Variants in CLMN observed in about 807,000 individuals in gnomAD.
CLMN encodes the protein calmin (calponin-like, transmembrane).
Under a neutral mutation model 92.7 loss-of-function variants are expected in CLMN, and 57 were observed. The ratio of observed to expected loss-of-function variants is 0.61; its 90% confidence interval spans 0.50 to 0.77. The LOEUF is 0.77. Among genes scored for constraint, CLMN ranks in the 30% least tolerant of loss-of-function variants. The pLI, the probability that CLMN is intolerant of heterozygous loss-of-function variation, is 0.00. For missense variants in CLMN, 1,158 were observed against 1,237.5 expected, an observed-to-expected ratio of 0.94 and a Z score of 0.96; for synonymous variants, 466 against 470.6, an observed-to-expected ratio of 0.99 and a Z score of 0.13.
In CLMN at chr14:95,221,533, A is replaced by C. The variant is rs558520646; in HGVS notation, c.324+158T>G. Reference sequence around the variant, plus strand: ...GGACTATGTTCCCAACGGAGGGGTCATCTGAGTGATTTCTGTGAAATTTAA... The same window carrying C: ...GGACTATGTTCCCAACGGAGGGGTCCTCTGAGTGATTTCTGTGAAATTTAA... On this transcript the variant is annotated intron_variant, in intron 4 of 12. Coordinates refer to ENST00000298912, the MANE Select transcript of CLMN (RefSeq NM_024734.4). Among the ~76,000 whole-genome samples the C allele has an allele frequency of 9.2e-5, 14 of 152,300 alleles. 1 individual carries two copies. In the Middle Eastern group the frequency reaches 0.017, roughly 185 times the overall value.
chr14:95,222,957 A>C (rs116239561), intron 3 of CLMN, among the ~76,000 whole-genome samples: 8,966 of 152,168 alleles, frequency 0.059, 314 homozygotes, highest in African/African-American at 0.063. Context: ...CCGTTGCTGC[A>C]CCTCTGTTTT....
chr14:95,207,552 AG>A (rs1390842158), intron 8 of CLMN, among the ~76,000 whole-genome samples: 14 of 152,232 alleles, frequency 9.2e-5, no homozygotes, highest in Non-Finnish European at 1.2e-4. Context: ...GCACAGTACT[AG>A]GTACTTCACA....
Position 95,215,658 on chromosome 14 carries a change from T to C in CLMN, c.400A>G (p.Ile134Val). The change falls in exon 5 of 13, where the codon ATA becomes GTA. Residue 134 changes from isoleucine to valine, a missense_variant. By Grantham distance (29) the Ile-to-Val change is conservative. Transcript: ENST00000298912. ...PSLVLGLIWN[I>V]ILFFQIKELT... ...GATCTTACCTGGAAGAAGAGGATTA[T>C]GTTCCATATCAGCCCAAGAACCAAA... is the stretch of plus-strand genomic sequence containing the variant. 1 of 1,613,930 alleles carries C rather than the reference T, an allele frequency of 6.2e-7. No homozygotes were observed.
chr14:95,287,233 G>A (rs567650053), intron 1 of CLMN, among the ~76,000 whole-genome samples: 4 of 152,268 alleles, frequency 2.6e-5, no homozygotes, highest in South Asian at 4.1e-4. Flanking sequence ...AAACCTCCCC[G>A]CTTCTGCCAG....
chr14:95,285,164 T>C (rs1306760020), intron 1 of CLMN, among the ~76,000 whole-genome samples: 1 of 152,216 alleles, frequency 6.6e-6, no homozygotes, highest in Admixed American at 6.5e-5. Context: ...ATATAAGAAG[T>C]GCCTTTCGCC....
At chr14:95,314,822 C>T (rs1238310277) in intron 1 of CLMN, among the ~76,000 whole-genome samples, 2 of 152,228 alleles carry the variant, frequency 1.3e-5, no homozygotes, top group Non-Finnish European at 1.5e-5. Flanking sequence ...CAGAAAGAAA[C>T]TTTCTACATG....
chr14:95,311,590 A>G (rs562774601), intron 1 of CLMN, among the ~76,000 whole-genome samples: 11 of 152,318 alleles, frequency 7.2e-5, no homozygotes, highest in Middle Eastern at 6.8e-3. Flanking sequence ...AATCTCCAAG[A>G]AGCACTAGAA....
At chr14:95,317,854 A>G (rs1258612125) in intron 1 of CLMN, among the ~76,000 whole-genome samples, 1 of 152,238 alleles carries the variant, frequency 6.6e-6, no homozygotes, top group East Asian at 1.9e-4. Flanking sequence ...AAACATATAC[A>G]TACATTTAAA....
intron 1 of CLMN, among the ~76,000 whole-genome samples, chr14:95,313,075 G>A (rs1340252062): frequency 6.6e-5 from 10 of 152,088 alleles, no homozygotes; most frequent in African/African-American, 2.2e-4. Flanking sequence ...GCATGGTGGC[G>A]CATGCCTGTA....
chr14:95,224,744 G>A (rs1411244034), intron 2 of CLMN, among the ~76,000 whole-genome samples: 1 of 152,180 alleles, frequency 6.6e-6, no homozygotes, highest in Non-Finnish European at 1.5e-5. Context: ...CAAGACCCTG[G>A]GCCAGTTACT....
intron 1 of CLMN, among the ~76,000 whole-genome samples, chr14:95,283,402 A>C (rs1385294619): frequency 6.6e-6 from 1 of 152,126 alleles, no homozygotes; most frequent in Non-Finnish European, 1.5e-5. Flanking sequence ...TAATACAGTA[A>C]ATTGGTACCA....
At chr14:95,272,159 C>A (rs921778981) in intron 1 of CLMN, among the ~76,000 whole-genome samples, 1 of 152,168 alleles carries the variant, frequency 6.6e-6, no homozygotes, top group Non-Finnish European at 1.5e-5. Flanking sequence ...TAGGGCGAGG[C>A]CCTCAGCCTA....
At chr14:95,242,138 C>T (rs957420801) in intron 1 of CLMN, among the ~76,000 whole-genome samples, 2 of 146,348 alleles carry the variant, frequency 1.4e-5, no homozygotes, top group African/African-American at 5.3e-5. Context: ...ACATGATGGT[C>T]ATCTGGGGAA....
At position 95,294,817 on chromosome 14, in the gene CLMN, G is replaced by A. The variant is rs924388596; in HGVS notation, c.82+24894C>T. 1.3e-5 allele frequency among the ~76,000 whole-genome samples: 2 copies of A among 152,174 alleles called. No homozygotes were observed. The highest frequency in any genetic ancestry group is 2.9e-5 in the Non-Finnish European group (2 of 68,024). ...CTGGCAGGACAACGTGGGGTGGAGG[G>A]GCCACATCACTTATTCCTCTGCTGC... On this transcript the variant is annotated intron_variant, in intron 1 of 12. Coordinates refer to ENST00000298912, the MANE Select transcript of CLMN (RefSeq NM_024734.4). The surrounding 1 kb of genome is among the most constrained non-coding windows in gnomAD (Gnocchi z 4.2).
chr14:95,191,561 G>A lies in CLMN; in HGVS notation c.*3C>T, dbSNP rs375666012. 32 of 1,608,066 alleles carry A rather than the reference G, an allele frequency of 2.0e-5. No individual in the cohort carries two copies. Among genetic ancestry groups the A allele is most frequent in the African/African-American group, 1.3e-4 (10 of 74,532 alleles). ...TGTCTTTTTTATTATCCAGACACAC[G>A]TATCAGAGCCTGCTAACATCCAGTT... On this transcript the variant is annotated 3_prime_UTR_variant, in exon 13 of 13. Coordinates refer to ENST00000298912, the MANE Select transcript of CLMN (RefSeq NM_024734.4). The surrounding 1 kb of genome is among the most constrained non-coding windows in gnomAD (Gnocchi z 5.3).
chr14:95,315,001 C>T (rs374529206), intron 1 of CLMN, among the ~76,000 whole-genome samples: 3 of 152,200 alleles, frequency 2.0e-5, no homozygotes, highest in Non-Finnish European at 4.4e-5. Context: ...AGGAACGGTC[C>T]CTCCTTGGCT....
chr14:95,287,227 C>T (rs1240367618), intron 1 of CLMN, among the ~76,000 whole-genome samples: 1 of 152,172 alleles, frequency 6.6e-6, no homozygotes, highest in South Asian at 2.1e-4. Context: ...AAATAAAAAC[C>T]TCCCCGCTTC....
rs375477729 is a variant in CLMN, at chr14:95,204,340, T to C, written c.1009A>G (p.Thr337Ala). 8.7e-6 allele frequency: 14 copies of C among 1,613,918 alleles called. No homozygotes were observed. The highest frequency in any genetic ancestry group is 2.2e-5 in the East Asian group (1 of 44,896). The stretch of plus-strand genomic sequence containing the variant: ...GGGTGGCTGGTTTCATGGTTAACAG[T>C]GTAGGTACGCTCCCCATTTTCAGTC... ...VLTENGERTY[T>A]VNHETSHPPP... Residue 337 changes from threonine (T) to alanine (A), a missense_variant, in exon 9 of 13, where the codon ACT becomes GCT. Physicochemically the swap from Thr to Ala is moderately conservative, Grantham distance 58 (BLOSUM62 0). Transcript: ENST00000298912.
intron 12 of CLMN, chr14:95,192,072 G>A (rs529329027): frequency 2.5e-5 from 5 of 197,406 alleles, no homozygotes; most frequent in South Asian, 1.4e-4. Flanking sequence ...CAGAGAGGGC[G>A]CCTAGGCCAG....
Sources: gnomAD v4.1 joint callset for allele counts (sites outside exome capture counted in the v4.1 genomes callset) on GRCh38, gnomAD v4.1.1 for gene constraint, Gnocchi (gnomAD v3.1) non-coding constraint, MANE v1.5 for transcripts, NCBI Gene and HGNC (gene_info 2026-07-23, HGNC 2026-07-21) for gene names.